Variants in HTR1F observed in about 807,000 individuals in gnomAD.
HTR1F encodes the protein 5-hydroxytryptamine receptor 1F.
HTR1F carries 17 observed loss-of-function variants against 24.0 expected under a neutral mutation model. That is an observed-to-expected ratio of 0.71 (90% CI 0.48 to 1.06). The LOEUF (loss-of-function observed/expected upper bound fraction) is 1.06, where lower values mean the gene tolerates loss of function less well. Among genes scored for constraint, HTR1F ranks in the 50% least tolerant of loss-of-function variants. HTR1F has a pLI of 0.00. For synonymous variants in HTR1F, 186 were observed against 156.8 expected, an observed-to-expected ratio of 1.19 and a Z score of -1.39; for missense variants, 391 against 427.8, an observed-to-expected ratio of 0.91 and a Z score of 0.76.
intron 2 of HTR1F, among the ~76,000 whole-genome samples, chr3:87,868,303 A>G (rs1421253665): frequency 6.6e-6 from 1 of 152,048 alleles, no homozygotes; most frequent in Non-Finnish European, 1.5e-5. Flanking sequence ...ATGAAAACCT[A>G]TAAAGAACTA....
chr3:87,851,563 G>A (rs1236407508), intron 2 of HTR1F, among the ~76,000 whole-genome samples: 1 of 151,368 alleles, frequency 6.6e-6, no homozygotes, highest in Non-Finnish European at 1.5e-5. Context: ...TATTTCATGG[G>A]ACTTTTCAGG....
chr3:87,965,033 T>TAATGTTCTCAA (rs1436647980), intron 2 of HTR1F, among the ~76,000 whole-genome samples: 5 of 152,198 alleles, frequency 3.3e-5, no homozygotes, highest in Non-Finnish European at 7.3e-5. Context: ...TCTGCCATGA[T>TAATGTTCTCAA]TGTGAGGTCT....
intron 2 of HTR1F, among the ~76,000 whole-genome samples, chr3:87,983,283 G>C (rs1423015541): frequency 1.3e-5 from 2 of 152,156 alleles, no homozygotes; most frequent in African/African-American, 4.8e-5. Context: ...ATAGGGAAAA[G>C]AAAATGTATA....
At chr3:87,906,393 T>C (rs931762459) in intron 2 of HTR1F, among the ~76,000 whole-genome samples, 1 of 152,080 alleles carries the variant, frequency 6.6e-6, no homozygotes, top group African/African-American at 2.4e-5. Flanking sequence ...GTAATTCCTA[T>C]AGAACAAAGA....
At chr3:87,953,090 A>G (rs1704868955) in intron 2 of HTR1F, among the ~76,000 whole-genome samples, 1 of 151,848 alleles carries the variant, frequency 6.6e-6, no homozygotes, top group South Asian at 2.1e-4. Flanking sequence ...ACATGAAACT[A>G]TTAAACTACT....
intron 2 of HTR1F, among the ~76,000 whole-genome samples, chr3:87,894,303 C>T (rs1706151081): frequency 1.3e-5 from 2 of 152,168 alleles, no homozygotes; most frequent in Admixed American, 1.3e-4. Context: ...GTCATCCAGG[C>T]TGGAGTGCGG....
chr3:87,871,518 C>T (rs1471367465), intron 2 of HTR1F, among the ~76,000 whole-genome samples: 1 of 151,984 alleles, frequency 6.6e-6, no homozygotes, highest in Non-Finnish European at 1.5e-5. Context: ...TGACATCTTT[C>T]CAAATCTGAG....
intron 2 of HTR1F, among the ~76,000 whole-genome samples, chr3:87,885,555 C>G (rs1408710218): frequency 2.0e-5 from 3 of 152,000 alleles, no homozygotes; most frequent in Non-Finnish European, 4.4e-5. Flanking sequence ...AATCCAGGAG[C>G]TGTTTTTTTG....
rs985749637 is a variant in HTR1F, at chr3:87,833,803, G to A, written c.-43+11679G>A. Among the ~76,000 whole-genome samples the A allele has an allele frequency of 7.9e-5, 12 of 152,180 alleles. 1 individual carries two copies. In the South Asian group the frequency reaches 8.3e-4, roughly 11 times the overall value. The stretch of plus-strand genomic sequence containing the variant: ...TACAGGCATAAGCCACCACGTGCCC[G>A]GCCTATAAAGCCCTTTTTTTTTAAG... On this transcript the variant is annotated intron_variant, in intron 2 of 2. Coordinates refer to ENST00000319595, the MANE Select transcript of HTR1F (RefSeq NM_001322209.2).
intron 2 of HTR1F, among the ~76,000 whole-genome samples, chr3:87,823,171 AT>A (rs1206068069): frequency 2.0e-5 from 3 of 152,200 alleles, no homozygotes; most frequent in Non-Finnish European, 2.9e-5. Flanking sequence ...TTAATAAATG[AT>A]TTTTTAATTA....
intron 2 of HTR1F, among the ~76,000 whole-genome samples, chr3:87,962,484 A>G (rs1705083436): frequency 6.6e-6 from 1 of 152,076 alleles, no homozygotes; most frequent in Non-Finnish European, 1.5e-5. Context: ...ACTTCATTAT[A>G]CTTAAGTCAA....
intron 2 of HTR1F, among the ~76,000 whole-genome samples, chr3:87,892,193 C>A (rs1706099989): frequency 6.6e-6 from 1 of 151,908 alleles, no homozygotes; most frequent in Non-Finnish European, 1.5e-5. Context: ...AGATAATAAG[C>A]CAAAGATTTG....
chr3:87,888,011 C>T (rs773554613), intron 2 of HTR1F, among the ~76,000 whole-genome samples: 2 of 152,132 alleles, frequency 1.3e-5, no homozygotes, highest in African/African-American at 2.4e-5. Flanking sequence ...TATAAAGACA[C>T]GCACACATGT....
intron 2 of HTR1F, among the ~76,000 whole-genome samples, chr3:87,875,181 T>TG (rs565235992): frequency 1.3e-5 from 2 of 152,218 alleles, no homozygotes; most frequent in Non-Finnish European, 2.9e-5. Flanking sequence ...CCAGGTGTGA[T>TG]GGCTCAGGCC....
At chr3:87,832,571 G>A (rs1029107446) in intron 2 of HTR1F, among the ~76,000 whole-genome samples, 2 of 152,014 alleles carry the variant, frequency 1.3e-5, no homozygotes, top group African/African-American at 2.4e-5. Context: ...CAGGCAGTCC[G>A]CCCACCTCAG....
intron 2 of HTR1F, among the ~76,000 whole-genome samples, chr3:87,898,691 A>AT (rs35976075): frequency 0.38 from 57,773 of 151,656 alleles, 15,482 homozygotes; most frequent in African/African-American, 0.77. Flanking sequence ...GCTGACCAAT[A>AT]TTTTTTTTCT....
intron 2 of HTR1F, among the ~76,000 whole-genome samples, chr3:87,957,227 C>T (rs1283510804): frequency 6.6e-6 from 1 of 151,202 alleles, no homozygotes; most frequent in Non-Finnish European, 1.5e-5. Flanking sequence ...TGGTATATCT[C>T]TTTCATTCTC....
intron 1 of HTR1F, among the ~76,000 whole-genome samples, chr3:87,799,427 A>G (rs567159421): frequency 6.6e-6 from 1 of 152,348 alleles, no homozygotes; most frequent in South Asian, 2.1e-4. Flanking sequence ...AATATTGTTA[A>G]TGGAAAATTG....
At chr3:87,893,022 G>C (rs927224126) in intron 2 of HTR1F, among the ~76,000 whole-genome samples, 21 of 152,006 alleles carry the variant, frequency 1.4e-4, no homozygotes, top group African/African-American at 5.1e-4. Flanking sequence ...ATAGAAGAAT[G>C]TTTTACAGTG....
Sources: allele counts gnomAD v4.1 joint callset (sites outside exome capture counted in the v4.1 genomes callset), GRCh38; gene constraint gnomAD v4.1.1; transcripts MANE v1.5; gene names NCBI Gene and HGNC (gene_info 2026-07-23, HGNC 2026-07-21).